The following TOM1 variants were observed in gnomAD, a reference collection of about 807,000 sequenced individuals.
TOM1 encodes the protein target of myb1 membrane trafficking protein.
TOM1 carries 38 observed loss-of-function variants against 61.3 expected under a neutral mutation model. The observed-to-expected ratio is 0.62, with a 90% CI of 0.48 to 0.81. The LOEUF (loss-of-function observed/expected upper bound fraction) is 0.81, where lower values mean the gene tolerates loss of function less well. Ranked by LOEUF, TOM1 falls within the 40% of genes least tolerant of loss-of-function variation. TOM1 has a pLI of 0.00. For synonymous variants in TOM1, 270 were observed against 268.8 expected (o/e 1.00, Z -0.04); for missense variants, 591 against 659.6 (o/e 0.90, Z 1.14).
Position 35,346,953 on chromosome 22 carries a change from G to A in TOM1, c.1308G>A (p.Lys436=), listed in dbSNP as rs558453690. ...AGGGTAATGATGCGGAAGAGCCTAA[G>A]GGGGTCACCAGCGAAGGTAGTAGTC... ...TDVGNDAEEP[K]GVTSEEFDKF... is the part of the protein sequence containing the mutation. Residue 436 remains lysine (K), a synonymous_variant, in exon 14 of 15, where the codon AAG becomes AAA. Transcript: ENST00000449058. 2.5e-6 allele frequency: 4 copies of A among 1,612,830 alleles called. No homozygotes were observed. Among genetic ancestry groups the A allele is most frequent in the Non-Finnish European group, 3.4e-6 (4 of 1,179,596 alleles).
In TOM1 at chr22:35,346,977, T is replaced by G; in HGVS notation, c.1324+8T>G. ...AGGGGGTCACCAGCGAAGGTAGTAG[T>G]CCCCGCCCCTGCCCGCCCTCTCCTT... On this transcript the variant is annotated splice_region_variant and intron_variant, in intron 14 of 14. Coordinates refer to ENST00000449058, the MANE Select transcript of TOM1 (RefSeq NM_005488.3). The G allele has an allele frequency of 6.2e-7, 1 of 1,611,550 alleles. No individual in the cohort carries two copies. The highest frequency in any genetic ancestry group is 1.1e-5 in the South Asian group (1 of 91,024).
rs1930610941 is a variant in TOM1, at chr22:35,347,462, T to C, written c.*253T>C. The C allele has an allele frequency of 9.9e-6, 4 of 403,556 alleles. No homozygotes were observed. Among genetic ancestry groups the C allele is most frequent in the Non-Finnish European group, 1.8e-5 (4 of 226,088 alleles). 25.0% of individuals were successfully genotyped at this position (403,556 alleles called of 1,614,324 possible). On this transcript the variant is annotated 3_prime_UTR_variant, in exon 15 of 15. Transcript: ENST00000449058. ...TTCCCACCCCAGCTGACCATGAGAC[T>C]TTGCTGAGAAGTGGAGGCCCCAGGA... is the stretch of plus-strand genomic sequence containing the variant.
chr22:35,326,296 A>C (rs971663525), intron 6 of TOM1, among the ~76,000 whole-genome samples: 1 of 152,240 alleles, frequency 6.6e-6, no homozygotes, highest in Admixed American at 6.5e-5. Context: ...AGAAGCTTTC[A>C]GACTGATCTT....
intron 1 of TOM1, among the ~76,000 whole-genome samples, chr22:35,301,422 G>C (rs1199329914): frequency 6.6e-6 from 1 of 152,126 alleles, no homozygotes; most frequent in African/African-American, 2.4e-5. Flanking sequence ...TCATTCTTGG[G>C]CACCAACACC....
chr22:35,299,715 C>A (rs1925532579), upstream of TOM1: 3 of 583,148 alleles, frequency 5.1e-6, no homozygotes, highest in East Asian at 6.1e-5. Flanking sequence ...GTGTGACGCC[C>A]GCCGCCGCCG....
rs780470993 is a variant in TOM1 at position 35,347,235 on chromosome 22, C to G, written c.*26C>G. On this transcript the variant is annotated 3_prime_UTR_variant, in exon 15 of 15. Transcript: ENST00000449058. ...GTGTGGGGTCTGGCACCCTGCAGCC[C>G]AGGTCCCCACTGCTCTCACACCCTT... 7.0e-6 allele frequency: 11 copies of G among 1,571,582 alleles called. No homozygotes were observed. In the South Asian group the frequency reaches 1.3e-4, roughly 18 times the overall value.
chr22:35,337,207 A>T (rs539741051), intron 11 of TOM1, among the ~76,000 whole-genome samples: 1 of 152,258 alleles, frequency 6.6e-6, no homozygotes, highest in African/African-American at 2.4e-5. Flanking sequence ...AAGTGCTGGG[A>T]TTTCAGCCAC....
chr22:35,346,998 T>C, intron 14 of TOM1, 29 bp downstream of exon 14: 1 of 1,198,960 alleles, frequency 8.3e-7, no homozygotes, highest in Non-Finnish European at 1.2e-6. Context: ...GCCCGCCCTC[T>C]CCTTTCCCCA....
At chr22:35,334,262 A>AG (rs1929090104) in intron 10 of TOM1, 66 bp from the exon 11 acceptor site, 1 of 1,557,478 alleles carries the variant, frequency 6.4e-7, no homozygotes, top group Non-Finnish European at 8.7e-7. Context: ...GGCAGCAGGT[A>AG]GCTCAGCAGC....
rs113168198 is a variant in TOM1 at position 35,307,235 on chromosome 22, T to C, written c.52+7255T>C. On this transcript the variant is annotated intron_variant, in intron 1 of 14. Transcript: ENST00000449058. ...CCCCATGCCACCTTCATTATTATTT[T>C]CGTAGGGTTTTCTTTTCATTAGCTT... Among the ~76,000 whole-genome samples the C allele has an allele frequency of 1.9e-3, 295 of 152,338 alleles. 2 individuals carry two copies. Among genetic ancestry groups the C allele is most frequent in the African/African-American group, 6.9e-3 (288 of 41,574 alleles).
At chr22:35,343,823 CACACCTACATTCAT>C (rs1930248645) in intron 12 of TOM1, among the ~76,000 whole-genome samples, 1 of 147,514 alleles carries the variant, frequency 6.8e-6, no homozygotes, top group Non-Finnish European at 1.5e-5. Flanking sequence ...CCTACACATA[CACACCTACATTCAT>C]ACACCTACAT....
chr22:35,333,143 C>A, intron 9 of TOM1, 129 bp downstream of exon 9: 1 of 1,106,756 alleles, frequency 9.0e-7, no homozygotes, highest in South Asian at 1.3e-5. Context: ...GAGAAATCCC[C>A]TTCTAACTTT....
At chr22:35,344,750 A>T (rs191134196) in intron 12 of TOM1, 1 of 152,194 alleles carries the variant, frequency 6.6e-6, no homozygotes, top group African/African-American at 2.4e-5. Context: ...AACTAGTGCT[A>T]TTAGTGCCAT....
intron 1 of TOM1, among the ~76,000 whole-genome samples, chr22:35,317,345 A>G (rs930263780): frequency 3.9e-5 from 6 of 152,050 alleles, no homozygotes; most frequent in African/African-American, 1.4e-4. Flanking sequence ...ATGTGCCACC[A>G]TGCCCAGCTA....
chr22:35,306,773 T>TAAGTG (rs1926364622), intron 1 of TOM1, among the ~76,000 whole-genome samples: 1 of 152,214 alleles, frequency 6.6e-6, no homozygotes, highest in Non-Finnish European at 1.5e-5. Context: ...GTAGCCAAGC[T>TAAGTG]AAGTGCCAGC....
At chr22:35,326,681 A>G (rs1367950985) in intron 6 of TOM1, among the ~76,000 whole-genome samples, 2 of 151,776 alleles carry the variant, frequency 1.3e-5, no homozygotes, top group African/African-American at 4.8e-5. Flanking sequence ...CTCTAGGAGG[A>G]GAGAGAGAGG....
intron 1 of TOM1, among the ~76,000 whole-genome samples, chr22:35,316,958 C>T (rs1927351063): frequency 6.6e-6 from 1 of 152,028 alleles, no homozygotes. Flanking sequence ...GTGGGTGCCT[C>T]AGAAGGGTAC....
chr22:35,332,854 G>A (rs763328082), intron 8 of TOM1, 127 bp from the exon 9 acceptor site: 26 of 923,194 alleles, frequency 2.8e-5, no homozygotes, highest in South Asian at 7.9e-5. Flanking sequence ...CACACCAGAC[G>A]TGTCATCACC....
At position 35,303,131 on chromosome 22, in the gene TOM1, A is replaced by AACACACAC. The variant is rs138739; in HGVS notation, c.52+3162_52+3169dup. Among the ~76,000 whole-genome samples, 1,468 of 148,624 alleles carry AACACACAC rather than the reference A, an allele frequency of 9.9e-3. 15 individuals are homozygous for AACACACAC. Among genetic ancestry groups the AACACACAC allele is most frequent in the African/African-American group, 0.032 (1,300 of 40,700 alleles). ...AAAGTTCTCATCCACCTCCCCTCCC[A>AACACACAC]ACACACACACACACACACCCCTTTG... On this transcript the variant is annotated intron_variant, in intron 1 of 14. Transcript: ENST00000449058.
Sources: gnomAD v4.1 joint callset for allele counts (sites outside exome capture counted in the v4.1 genomes callset) on GRCh38, gnomAD v4.1.1 for gene constraint, MANE v1.5 for transcripts, NCBI Gene and HGNC (gene_info 2026-07-23, HGNC 2026-07-21) for gene names.